Variants in NRXN1 observed in about 807,000 individuals in gnomAD.
NRXN1 encodes the protein neurexin-1.
In NRXN1, 39 loss-of-function variants were observed where a neutral mutation model predicts 150.9. The observed-to-expected ratio is 0.26, with a 90% CI of 0.20 to 0.34. The LOEUF (loss-of-function observed/expected upper bound fraction) is 0.34, where lower values mean the gene tolerates loss of function less well. NRXN1 is among the 10% of genes least tolerant of loss of function. The probability of loss-of-function intolerance (pLI) is 1.00; values close to 1 mark genes in which losing one functional copy is unlikely to be tolerated. For synonymous variants in NRXN1, 924 were observed against 757.0 expected (o/e 1.22, Z -3.62); for missense variants, 1,815 against 1,949.9 (o/e 0.93, Z 1.30).
Position 50,344,646 on chromosome 2 carries a change from G to C in NRXN1, c.3365-107676C>G, listed in dbSNP as rs112442413. Among the ~76,000 whole-genome samples the C allele has an allele frequency of 4.4e-3, 669 of 152,260 alleles. 1 individual carries two copies. The highest frequency in any genetic ancestry group is 7.2e-3 in the Non-Finnish European group (488 of 68,028). On this transcript the variant is annotated intron_variant, in intron 17 of 22. Coordinates refer to ENST00000401669, the MANE Select transcript of NRXN1 (RefSeq NM_001330078.2). ...GCAGAGACAATCACTGTATTCTGGA[G>C]GGAAAGAAATGTTTGTAAAGGCCAG... is the stretch of plus-strand genomic sequence containing the variant.
chr2:50,098,583 T>G lies in NRXN1; in HGVS notation c.3547-7089A>C, dbSNP rs141945351. ...TGAGCTCTATACAATGTATCTCATC[T>G]AAAACTCCCAGCAGACCTGAAAGGT... On this transcript the variant is annotated intron_variant, in intron 18 of 22. Coordinates refer to ENST00000401669, the MANE Select transcript of NRXN1 (RefSeq NM_001330078.2). Among the ~76,000 whole-genome samples the G allele has an allele frequency of 3.9e-5, 6 of 152,330 alleles. No individual in the cohort carries two copies. The East Asian group carries it at 9.7e-4, about 25-fold the overall frequency.
At chr2:49,987,503 T>C (rs1417907683) in intron 21 of NRXN1, among the ~76,000 whole-genome samples, 2 of 152,188 alleles carry the variant, frequency 1.3e-5, no homozygotes, top group Non-Finnish European at 1.5e-5. Flanking sequence ...AGATCATCAT[T>C]ACAAACCTTA....
At chr2:50,395,717 T>G (rs187073640) in intron 17 of NRXN1, among the ~76,000 whole-genome samples, 45 of 152,268 alleles carry the variant, frequency 3.0e-4, no homozygotes, top group African/African-American at 1.1e-3. Context: ...TAAGTTCCTG[T>G]GACAACTCCA....
At chr2:50,707,639 C>T (rs759955559) in intron 5 of NRXN1, among the ~76,000 whole-genome samples, 3 of 152,168 alleles carry the variant, frequency 2.0e-5, no homozygotes, top group Non-Finnish European at 4.4e-5. Flanking sequence ...TATATCCAGA[C>T]TGGACTGCAG....
At chr2:50,223,900 G>A (rs2064118893) in intron 18 of NRXN1, among the ~76,000 whole-genome samples, 4 of 151,838 alleles carry the variant, frequency 2.6e-5, no homozygotes, top group African/African-American at 9.7e-5. Context: ...AGCAATGTGG[G>A]TTACTTTCAT....
At chr2:50,603,773 A>G (rs1676658775) in intron 8 of NRXN1, among the ~76,000 whole-genome samples, 1 of 152,160 alleles carries the variant, frequency 6.6e-6, no homozygotes, top group South Asian at 2.1e-4. Flanking sequence ...CACTTGAAAG[A>G]TGAAAACCCT....
At chr2:50,943,864 A>G (rs1016129155) in intron 2 of NRXN1, among the ~76,000 whole-genome samples, 1 of 152,200 alleles carries the variant, frequency 6.6e-6, no homozygotes, top group African/African-American at 2.4e-5. Context: ...ATAATTTACT[A>G]TAATTGTATT....
At chr2:50,053,174 G>GA in intron 21 of NRXN1, 97 bp downstream of exon 21, 2 of 1,290,328 alleles carry the variant, frequency 1.5e-6, no homozygotes, top group Non-Finnish European at 2.2e-6. Flanking sequence ...CCTAAGATCA[G>GA]AAAAATGTTC....
At chr2:50,606,630 T>TAATAATAATAATAATAAA (rs1309661805) in intron 8 of NRXN1, among the ~76,000 whole-genome samples, 1 of 150,384 alleles carries the variant, frequency 6.6e-6, no homozygotes, top group African/African-American at 2.4e-5. Flanking sequence ...ATAATAATAA[T>TAATAATAATAATAATAAA]AAAATAAAAC....
chr2:50,307,701 C>T (rs916083641), intron 17 of NRXN1, among the ~76,000 whole-genome samples: 5 of 152,200 alleles, frequency 3.3e-5, no homozygotes, highest in African/African-American at 1.2e-4. Context: ...TTTCATGACT[C>T]CTGACTTACT....
intron 21 of NRXN1, among the ~76,000 whole-genome samples, chr2:50,017,015 G>A (rs1003465742): frequency 1.3e-5 from 2 of 152,108 alleles, no homozygotes; most frequent in African/African-American, 4.8e-5. Context: ...ATCTATATTT[G>A]TTCTTTTTTC....
At chr2:50,375,030 T>TA (rs1454026824) in intron 17 of NRXN1, among the ~76,000 whole-genome samples, 1 of 152,184 alleles carries the variant, frequency 6.6e-6, no homozygotes, top group Admixed American at 6.5e-5. Flanking sequence ...ACCAGTGCCC[T>TA]AAAAATAAGT....
At chr2:50,458,086 A>T (rs1463588336) in intron 17 of NRXN1, among the ~76,000 whole-genome samples, 11 of 152,172 alleles carry the variant, frequency 7.2e-5, no homozygotes, top group African/African-American at 2.4e-4. Flanking sequence ...TCAACCTAAG[A>T]ATCTGTGGAT....
chr2:50,565,556 A>G (rs1472291977), intron 8 of NRXN1, among the ~76,000 whole-genome samples: 2 of 152,216 alleles, frequency 1.3e-5, no homozygotes, highest in East Asian at 3.8e-4. Context: ...AAATATCCTG[A>G]CATGTCTTCT....
intron 17 of NRXN1, among the ~76,000 whole-genome samples, chr2:50,358,573 A>G (rs1196884546): frequency 6.6e-6 from 1 of 152,206 alleles, no homozygotes; most frequent in Admixed American, 6.5e-5. Flanking sequence ...AAAAGACAGC[A>G]GCCCCAGTCA....
intron 17 of NRXN1, among the ~76,000 whole-genome samples, chr2:50,410,083 C>T (rs1558682279): frequency 6.6e-6 from 1 of 152,082 alleles, no homozygotes; most frequent in African/African-American, 2.4e-5. Context: ...CTGACATGCC[C>T]CTTCTTTCTA....
chr2:50,025,207 C>T (rs563654200), intron 21 of NRXN1, among the ~76,000 whole-genome samples: 46 of 152,198 alleles, frequency 3.0e-4, no homozygotes, highest in African/African-American at 1.1e-3. Flanking sequence ...CTTTACTAAC[C>T]CACTACACCT....
chr2:50,098,107 A>T (rs1700480440), intron 18 of NRXN1, among the ~76,000 whole-genome samples: 1 of 152,184 alleles, frequency 6.6e-6, no homozygotes, highest in African/African-American at 2.4e-5. Flanking sequence ...CAACACCACC[A>T]CATCAAAAAC....
At chr2:50,211,681 G>T (rs892459825) in intron 18 of NRXN1, among the ~76,000 whole-genome samples, 3 of 151,158 alleles carry the variant, frequency 2.0e-5, no homozygotes, top group African/African-American at 7.3e-5. Flanking sequence ...TCATAATGAA[G>T]GTTAAAGTTT....
Sources: allele counts gnomAD v4.1 joint callset (sites outside exome capture counted in the v4.1 genomes callset), GRCh38; gene constraint gnomAD v4.1.1; transcripts MANE v1.5; gene names NCBI Gene and HGNC (gene_info 2026-07-23, HGNC 2026-07-21).